The following FAM174A variants were observed in gnomAD, a reference collection of about 807,000 sequenced individuals.
FAM174A encodes the protein family with sequence similarity 174 member A, also known as membrane protein FAM174A.
A neutral mutation model predicts 14.3 loss-of-function variants in FAM174A; 14 were observed. That is an observed-to-expected ratio of 0.98 (90% CI 0.65 to 1.53). The LOEUF is 1.53. FAM174A is among the 40% of genes most tolerant of loss of function. The probability of loss-of-function intolerance (pLI) is 0.00; values close to 1 mark genes in which losing one functional copy is unlikely to be tolerated. For missense variants in FAM174A, 241 were observed against 249.6 expected, an observed-to-expected ratio of 0.97 and a Z score of 0.23; for synonymous variants, 108 against 111.4, an observed-to-expected ratio of 0.97 and a Z score of 0.19.
intron 2 of FAM174A, among the ~76,000 whole-genome samples, chr5:100,564,334 G>C (rs1481581333): frequency 1.4e-5 from 2 of 138,110 alleles, no homozygotes. Context: ...GCTATTTTGA[G>C]ACAAAAAAAA....
intron 1 of FAM174A, among the ~76,000 whole-genome samples, chr5:100,544,131 G>A (rs1217221681): frequency 6.6e-6 from 1 of 152,140 alleles, no homozygotes; most frequent in African/African-American, 2.4e-5. Context: ...GGATTCTGAG[G>A]CAGGCAAACT....
intron 2 of FAM174A, among the ~76,000 whole-genome samples, chr5:100,582,427 A>C (rs1350303468): frequency 6.6e-6 from 1 of 152,068 alleles, no homozygotes; most frequent in East Asian, 1.9e-4. Flanking sequence ...AATGTTATTG[A>C]TGATTATAAA....
chr5:100,546,801 T>C (rs1241416820), intron 1 of FAM174A, among the ~76,000 whole-genome samples: 1 of 152,112 alleles, frequency 6.6e-6, no homozygotes, highest in African/African-American at 2.4e-5. Flanking sequence ...ACGAAATGCA[T>C]CTACTCATTA....
chr5:100,572,138 G>A (rs954702790), intron 2 of FAM174A, among the ~76,000 whole-genome samples: 1 of 151,034 alleles, frequency 6.6e-6, no homozygotes, highest in East Asian at 1.9e-4. Context: ...CAGTTCAGTA[G>A]TATTCCTGCT....
At chr5:100,549,347 C>A (rs574676670) in intron 1 of FAM174A, among the ~76,000 whole-genome samples, 139 of 152,170 alleles carry the variant, frequency 9.1e-4, no homozygotes, top group Non-Finnish European at 1.6e-3. Flanking sequence ...ACAAAGAAAT[C>A]CATGTCAAGA....
At chr5:100,561,094 T>C (rs1460141101) in intron 1 of FAM174A, among the ~76,000 whole-genome samples, 1 of 151,916 alleles carries the variant, frequency 6.6e-6, no homozygotes, top group East Asian at 1.9e-4. Flanking sequence ...CACATAAACA[T>C]ATACATCAGC....
intron 1 of FAM174A, among the ~76,000 whole-genome samples, chr5:100,560,988 C>T (rs1746511763): frequency 6.6e-6 from 1 of 151,900 alleles, no homozygotes. Context: ...TTAATTGATA[C>T]ATCACTGTGC....
At chr5:100,572,053 T>G (rs1324654255) in intron 2 of FAM174A, among the ~76,000 whole-genome samples, 1 of 152,026 alleles carries the variant, frequency 6.6e-6, no homozygotes, top group East Asian at 1.9e-4. Flanking sequence ...ATATTCCTGA[T>G]TAATTTTTTT....
chr5:100,555,347 G>A (rs1172621313), intron 1 of FAM174A, among the ~76,000 whole-genome samples: 1 of 152,074 alleles, frequency 6.6e-6, no homozygotes, highest in East Asian at 1.9e-4. Context: ...ATTTGGGTTG[G>A]TTCCAAGTCT....
At chr5:100,561,068 A>G (rs748814314) in intron 1 of FAM174A, among the ~76,000 whole-genome samples, 3 of 151,950 alleles carry the variant, frequency 2.0e-5, no homozygotes, top group African/African-American at 4.8e-5. Flanking sequence ...AGTGGGAGAG[A>G]CAGATGAATA....
chr5:100,586,696 A>T lies in FAM174A; in HGVS notation c.*512A>T, dbSNP rs1305303721. On this transcript the variant is annotated 3_prime_UTR_variant, in exon 3 of 3. Coordinates refer to ENST00000312637, the MANE Select transcript of FAM174A (RefSeq NM_198507.3). ...TTTTTAAAATATTAAGAAATGTCTA[A>T]GTTATTGTTTGCAAAACAATAAATA... is the stretch of plus-strand genomic sequence containing the variant. The T allele has an allele frequency of 6.6e-6, 1 of 152,196 alleles. No homozygotes were observed. Among genetic ancestry groups the T allele is most frequent in the East Asian group, 1.9e-4 (1 of 5,206 alleles). 9.4% of individuals were successfully genotyped at this position (152,196 alleles called of 1,614,324 possible).
chr5:100,536,500 A>G (rs1053525546), intron 1 of FAM174A, among the ~76,000 whole-genome samples: 44 of 152,182 alleles, frequency 2.9e-4, no homozygotes, highest in Admixed American at 1.6e-3. Flanking sequence ...TTTTATTTTT[A>G]TAAAATTCAG....
chr5:100,547,237 A>T (rs1012646864), intron 1 of FAM174A, among the ~76,000 whole-genome samples: 1 of 152,158 alleles, frequency 6.6e-6, no homozygotes, highest in African/African-American at 2.4e-5. Context: ...CATAAAAAAA[A>T]GTATGAGTGG....
intron 1 of FAM174A, among the ~76,000 whole-genome samples, chr5:100,537,462 TTTAA>T (rs1745964010): frequency 1.3e-5 from 2 of 152,198 alleles, no homozygotes; most frequent in African/African-American, 2.4e-5. Context: ...TTTTCTCAAG[TTTAA>T]TTAATATGGT....
At chr5:100,542,756 G>A (rs931655381) in intron 1 of FAM174A, among the ~76,000 whole-genome samples, 5 of 152,162 alleles carry the variant, frequency 3.3e-5, no homozygotes, top group African/African-American at 1.2e-4. Flanking sequence ...CACTTTGGGA[G>A]GCCAAGGTGG....
At chr5:100,566,167 T>TATATATATATAG in intron 2 of FAM174A, among the ~76,000 whole-genome samples, 1 of 142,942 alleles carries the variant, frequency 7.0e-6, no homozygotes, top group African/African-American at 2.5e-5. Context: ...TATATATATA[T>TATATATATATAG]ATATGTACAT....
intron 2 of FAM174A, among the ~76,000 whole-genome samples, chr5:100,571,176 G>T: frequency 6.6e-6 from 1 of 151,562 alleles, no homozygotes; most frequent in Non-Finnish European, 1.5e-5. Flanking sequence ...GTGTGTGTGT[G>T]TCTTTTATAT....
Position 100,535,582 on chromosome 5 carries a change from C to G in FAM174A, c.52C>G (p.Leu18Val). Residue 18 changes from leucine (L) to valine (V), a missense_variant, in exon 1 of 3, where the codon CTC (leucine) becomes GTC (valine). Transcript: ENST00000312637. ...CCLSHLLASV[L>V]LLLLLPELSG... ...TCTCAGCCACCTCTTGGCTTCCGTC[C>G]TCCTCCTGCTGTTGCTGCCTGAACT... The G allele has an allele frequency of 2.5e-6, 4 of 1,613,154 alleles. No homozygotes were observed. In the South Asian group the frequency reaches 4.4e-5, roughly 18 times the overall value.
At chr5:100,554,310 C>CTTTTT (rs34241194) in intron 1 of FAM174A, among the ~76,000 whole-genome samples, 38 of 93,940 alleles carry the variant, frequency 4.0e-4, no homozygotes, top group Non-Finnish European at 5.4e-4. Flanking sequence ...ATTTTTCTAT[C>CTTTTT]TTTTTTTTTT....
Sources: allele counts gnomAD v4.1 joint callset (sites outside exome capture counted in the v4.1 genomes callset), GRCh38; gene constraint gnomAD v4.1.1; transcripts MANE v1.5; gene names NCBI Gene and HGNC (gene_info 2026-07-23, HGNC 2026-07-21).